SCN3A: variants seen among roughly 807,000 people sequenced by gnomAD.
SCN3A encodes sodium voltage-gated channel alpha subunit 3.
SCN3A carries 60 observed loss-of-function variants against 187.6 expected under a neutral mutation model. That is an observed-to-expected ratio of 0.32 (90% CI 0.26 to 0.40). The LOEUF is 0.40. Ranked by LOEUF, SCN3A falls within the 10% of genes least tolerant of loss-of-function variation. SCN3A has a pLI of 1.00. For synonymous variants in SCN3A, 788 were observed against 829.2 expected, an observed-to-expected ratio of 0.95 and a Z score of 0.85; for missense variants, 1,601 against 2,428.2, an observed-to-expected ratio of 0.66 and a Z score of 7.16.
chr2:165,131,741 T>G, intron 15 of SCN3A, among the ~76,000 whole-genome samples: 1 of 130,500 alleles, frequency 7.7e-6, no homozygotes, highest in African/African-American at 2.8e-5. Flanking sequence ...CCTAATGCTA[T>G]CCCTCCCCCC....
chr2:165,094,874 T>C (rs980776555), intron 25 of SCN3A, among the ~76,000 whole-genome samples: 1 of 152,208 alleles, frequency 6.6e-6, no homozygotes, highest in African/African-American at 2.4e-5. Context: ...ATATATAAGA[T>C]ACAGTATTCT....
intron 15 of SCN3A, among the ~76,000 whole-genome samples, chr2:165,132,880 C>T (rs1687428766): frequency 6.6e-6 from 1 of 152,152 alleles, no homozygotes; most frequent in African/African-American, 2.4e-5. Flanking sequence ...GCAACCTACT[C>T]ATCTGACAAA....
At chr2:165,093,173 A>G (rs1685197643) in intron 26 of SCN3A, 1 of 152,280 alleles carries the variant, frequency 6.6e-6, no homozygotes, top group African/African-American at 2.4e-5. Context: ...AATAACAAAG[A>G]TTTACAAAGC....
At chr2:165,199,936 G>C (rs764824599) in intron 1 of SCN3A, among the ~76,000 whole-genome samples, 1 of 152,016 alleles carries the variant, frequency 6.6e-6, no homozygotes, top group African/African-American at 2.4e-5. Flanking sequence ...AACTAAAACA[G>C]TAGCTTCTCA....
chr2:165,169,188 T>C (rs1474368496), intron 4 of SCN3A, among the ~76,000 whole-genome samples: 1 of 151,898 alleles, frequency 6.6e-6, no homozygotes, highest in Admixed American at 6.6e-5. Context: ...GATATATTCA[T>C]CCTCACTGAC....
chr2:165,157,411 T>C (rs774433813), intron 9 of SCN3A, among the ~76,000 whole-genome samples: 33 of 152,200 alleles, frequency 2.2e-4, no homozygotes, highest in Non-Finnish European at 4.3e-4. Context: ...TGTCTAATGT[T>C]TGTCTCATGA....
intron 11 of SCN3A, among the ~76,000 whole-genome samples, chr2:165,151,456 G>A (rs1453200289): frequency 1.3e-5 from 2 of 152,128 alleles, no homozygotes; most frequent in Non-Finnish European, 2.9e-5. Flanking sequence ...GACCAGATTT[G>A]CTCTCTCCTG....
chr2:165,091,006 G>A lies in SCN3A; in HGVS notation c.5147C>T (p.Ala1716Val), dbSNP rs200299687. The A allele has an allele frequency of 7.4e-6, 12 of 1,613,996 alleles. No individual in the cohort carries two copies. The highest frequency in any genetic ancestry group is 1.3e-5 in the African/African-American group (1 of 74,912). Residue 1716 changes from alanine to valine, a missense_variant, in exon 28 of 28, where the codon GCA becomes GTA. Transcript: ENST00000283254. ...TTSAGWDGLL[A>V]PILNSAPPDC... The stretch of plus-strand genomic sequence containing the variant: ...GGGTGGTGCACTATTAAGAATAGGT[G>A]CTAGCAATCCATCCCAGCCAGCAGA...
At chr2:165,116,881 T>C (rs1686392532) in intron 18 of SCN3A, among the ~76,000 whole-genome samples, 1 of 151,558 alleles carries the variant, frequency 6.6e-6, no homozygotes, top group Admixed American at 6.6e-5. Flanking sequence ...GGTTGGAGTA[T>C]GGTAAATAGA....
At chr2:165,120,285 C>T (rs1686588770) in intron 18 of SCN3A, among the ~76,000 whole-genome samples, 1 of 151,730 alleles carries the variant, frequency 6.6e-6, no homozygotes, top group South Asian at 2.1e-4. Context: ...TGGGTTATTT[C>T]AACATAAGAA....
At position 165,127,890 on chromosome 2, in the gene SCN3A, A is replaced by G. The variant is rs770856198; in HGVS notation, c.3134T>C (p.Ile1045Thr). ...AGTATTATTGGACATGCAGCTGTCT[A>G]TCTTATTGCCTTCATGGATTTCTAT... Reference protein sequence around the residue: ...KVIEIHEGNKIDSCMSNNTGI... With the variant: ...KVIEIHEGNKTDSCMSNNTGI... The change falls in exon 18 of 28, where the codon ATA becomes ACA. Residue 1045 changes from isoleucine to threonine, a missense_variant. Physicochemically the swap from Ile to Thr is moderately conservative, Grantham distance 89. Around this residue, in one of 11 missense-constraint regions of SCN3A, gnomAD observed 267 missense variants for 313.2 expected, o/e 0.85. Transcript: ENST00000283254. 5 of 1,614,022 alleles carry G rather than the reference A, an allele frequency of 3.1e-6. No homozygotes were observed. Among genetic ancestry groups the G allele is most frequent in the Non-Finnish European group, 3.4e-6 (4 of 1,180,026 alleles).
rs144613665 is a variant in SCN3A, at chr2:165,176,390, G to A, written c.5C>T (p.Ala2Val). MAQALLVPPGPE... is the reference protein window; with the variant it reads MVQALLVPPGPE... ...TCCTGGGGGTACCAACAGTGCCTGTGCCATCTTTTCATCCTGCACATTTAA... is the reference window on the plus strand; with the variant it reads ...TCCTGGGGGTACCAACAGTGCCTGTACCATCTTTTCATCCTGCACATTTAA... The change falls in exon 3 of 28, where the codon GCA (alanine) becomes GTA (valine). Residue 2 changes from alanine to valine, a missense_variant. Physicochemically the swap from Ala to Val is moderately conservative, Grantham distance 64. This residue lies in a region of SCN3A where 74 missense variants were observed against 77.7 expected (regional missense o/e 0.95). Transcript: ENST00000283254. The A allele has an allele frequency of 1.7e-5, 28 of 1,614,012 alleles. No individual in the cohort carries two copies. Among genetic ancestry groups the A allele is most frequent in the Non-Finnish European group, 2.3e-5 (27 of 1,179,942 alleles).
intron 18 of SCN3A, among the ~76,000 whole-genome samples, chr2:165,120,347 A>G (rs1686592950): frequency 6.6e-6 from 1 of 151,978 alleles, no homozygotes; most frequent in Non-Finnish European, 1.5e-5. Context: ...CCGCCGCCCA[A>G]TAGAGTGACC....
At chr2:165,178,871 T>A (rs1690647801) in intron 2 of SCN3A, among the ~76,000 whole-genome samples, 1 of 152,200 alleles carries the variant, frequency 6.6e-6, no homozygotes, top group Non-Finnish European at 1.5e-5. Flanking sequence ...TTTTTAGCCA[T>A]CTTATGTCAA....
chr2:165,114,038 G>T, intron 19 of SCN3A, 68 bp from the exon 20 acceptor site: 1 of 1,028,130 alleles, frequency 9.7e-7, no homozygotes, highest in Non-Finnish European at 1.4e-6. Context: ...AAACTTTCTT[G>T]CCCCTTCCCC....
At chr2:165,196,130 A>T (rs1691933582) in intron 1 of SCN3A, among the ~76,000 whole-genome samples, 1 of 151,562 alleles carries the variant, frequency 6.6e-6, no homozygotes, top group African/African-American at 2.4e-5. Flanking sequence ...TCAATATCTC[A>T]TTGGTTTCTT....
At chr2:165,118,663 T>C (rs928150641) in intron 18 of SCN3A, among the ~76,000 whole-genome samples, 10 of 152,294 alleles carry the variant, frequency 6.6e-5, no homozygotes, top group Admixed American at 2.0e-4. Context: ...CATGGCTCAC[T>C]GTATCCTCAA....
intron 2 of SCN3A, among the ~76,000 whole-genome samples, chr2:165,185,702 T>C (rs962799455): frequency 2.0e-5 from 3 of 152,150 alleles, no homozygotes; most frequent in Non-Finnish European, 4.4e-5. Context: ...AATAAACATC[T>C]TTCTTGACTA....
At chr2:165,100,940 G>A (rs912509449) in intron 21 of SCN3A, among the ~76,000 whole-genome samples, 22 of 152,088 alleles carry the variant, frequency 1.4e-4, no homozygotes, top group South Asian at 1.0e-3. Flanking sequence ...CATGTCTAAC[G>A]CTGTCTGGTC....
Sources: allele counts gnomAD v4.1 joint callset (sites outside exome capture counted in the v4.1 genomes callset), GRCh38; gene constraint gnomAD v4.1.1; regional missense constraint gnomAD v4.1.1; transcripts MANE v1.5; gene names NCBI Gene and HGNC (gene_info 2026-07-23, HGNC 2026-07-21).